Variants in DGKB observed in about 807,000 individuals in gnomAD.
DGKB encodes the protein 90 kDa diacylglycerol kinase.
A neutral mutation model predicts 114.3 loss-of-function variants in DGKB; 67 were observed. That is an observed-to-expected ratio of 0.59 (90% CI 0.48 to 0.72). The LOEUF (loss-of-function observed/expected upper bound fraction) is 0.72. Among genes scored for constraint, DGKB ranks in the 30% least tolerant of loss-of-function variants. DGKB has a pLI of 0.00. For missense variants in DGKB, 907 were observed against 975.2 expected (o/e 0.93, Z 0.93); for synonymous variants, 398 against 323.1 (o/e 1.23, Z -2.49).
chr7:14,974,268 T>C (rs1787661806), intron 1 of DGKB, among the ~76,000 whole-genome samples: 1 of 152,056 alleles, frequency 6.6e-6, no homozygotes. Context: ...TATAACACAC[T>C]GCGTTTATTT....
chr7:14,758,912 G>GATACATAGATAC (rs1303080726), intron 2 of DGKB, among the ~76,000 whole-genome samples: 2 of 148,548 alleles, frequency 1.3e-5, no homozygotes, highest in East Asian at 3.9e-4. Context: ...TAGATAGATA[G>GATACATAGATAC]ATAGATAGAT....
chr7:14,174,013 G>A (rs1021578625), intron 25 of DGKB, among the ~76,000 whole-genome samples: 5 of 152,184 alleles, frequency 3.3e-5, no homozygotes, highest in Admixed American at 3.3e-4. Flanking sequence ...AAGTGCTTGT[G>A]TTAAACAAGC....
intron 5 of DGKB, among the ~76,000 whole-genome samples, chr7:14,719,613 A>G (rs546038569): frequency 6.6e-6 from 1 of 152,172 alleles, no homozygotes; most frequent in Admixed American, 6.5e-5. Context: ...TTTGAACCAA[A>G]CACAGTTCTA....
intron 25 of DGKB, among the ~76,000 whole-genome samples, chr7:14,167,940 G>A (rs1246916279): frequency 6.6e-6 from 1 of 152,044 alleles, no homozygotes; most frequent in Non-Finnish European, 1.5e-5. Context: ...ATGAATCACA[G>A]AAAAATCTCA....
rs144127803 is a variant in DGKB, at chr7:14,406,517, A to T, written c.1836-61126T>A. On this transcript the variant is annotated intron_variant, in intron 21 of 25. Transcript: ENST00000402815. The stretch of plus-strand genomic sequence containing the variant: ...TCCAGGTACTACTGATCACGACAGC[A>T]CTTACAGGCTCTAAATGGTTAACTT... Among the ~76,000 whole-genome samples, 25 of 152,180 alleles carry T rather than the reference A, an allele frequency of 1.6e-4. No homozygotes were observed. In the East Asian group the frequency reaches 4.8e-3, roughly 30 times the overall value.
intron 23 of DGKB, among the ~76,000 whole-genome samples, chr7:14,265,318 CTTT>C (rs781569705): frequency 1.8e-4 from 12 of 67,734 alleles, no homozygotes; most frequent in African/African-American, 4.8e-4. Context: ...CTCTTGCATT[CTTT>C]TTTTTTTTTT....
At chr7:14,465,782 C>G (rs1047251034) in intron 21 of DGKB, among the ~76,000 whole-genome samples, 3 of 152,044 alleles carry the variant, frequency 2.0e-5, no homozygotes, top group African/African-American at 4.8e-5. Context: ...TGAGGAGACC[C>G]AAGCATGACT....
At chr7:14,958,474 CA>C (rs1786649896) in intron 1 of DGKB, among the ~76,000 whole-genome samples, 1 of 149,806 alleles carries the variant, frequency 6.7e-6, no homozygotes, top group East Asian at 2.0e-4. Flanking sequence ...CACACACACA[CA>C]CCCCGTCCAG....
intron 23 of DGKB, among the ~76,000 whole-genome samples, chr7:14,190,383 A>G (rs1334670547): frequency 6.6e-6 from 1 of 152,160 alleles, no homozygotes; most frequent in East Asian, 1.9e-4. Flanking sequence ...GGGACACAAT[A>G]AAACCAGTAC....
intron 21 of DGKB, among the ~76,000 whole-genome samples, chr7:14,391,527 A>AT (rs1197183298): frequency 6.6e-6 from 1 of 151,966 alleles, no homozygotes. Context: ...AAAATAAAAA[A>AT]AAAAAAAGGA....
intron 1 of DGKB, among the ~76,000 whole-genome samples, chr7:14,934,473 TG>T (rs1257024243): frequency 2.6e-5 from 4 of 152,112 alleles, no homozygotes; most frequent in Non-Finnish European, 5.9e-5. Context: ...AATTAAAAAT[TG>T]GTTTTCATTT....
At chr7:14,746,522 G>A (rs76717022) in intron 4 of DGKB, among the ~76,000 whole-genome samples, 7,939 of 152,066 alleles carry the variant, frequency 0.052, 306 homozygotes, top group Admixed American at 0.11. Context: ...TTGAGACAAA[G>A]TCTTGCTCTT....
In DGKB at chr7:14,178,036, G is replaced by A. The variant is rs1187905039; in HGVS notation, c.2238C>T (p.Val746=). 2.6e-6 allele frequency: 4 copies of A among 1,567,504 alleles called. No individual in the cohort carries two copies. Among genetic ancestry groups the A allele is most frequent in the African/African-American group, 1.4e-5 (1 of 72,134 alleles). The stretch of plus-strand genomic sequence containing the variant: ...AGTTACAGAAAGGGAACTACCTGAT[G>A]ACCACGCAGGAGCACTGAGCCAGCC... ...GRRLAQCSCV[V]IRTSKSLPMQ... is the part of the protein sequence containing the mutation. Residue 746 remains valine (V), a synonymous_variant, in exon 24 of 26, where the codon GTC becomes GTT. Transcript: ENST00000402815.
At chr7:14,762,790 G>A (rs1049223349) in intron 2 of DGKB, among the ~76,000 whole-genome samples, 2 of 152,076 alleles carry the variant, frequency 1.3e-5, no homozygotes, top group Non-Finnish European at 2.9e-5. Flanking sequence ...AGAATGCTTG[G>A]CTGAATGTCC....
rs565499647 is a variant in DGKB at position 14,864,777 on chromosome 7, G to A, written c.-187-23327C>T. ...GGACTGAGCAGAGGCTATGGACAAA[G>A]GGATAAGAGATGATGACAAAAAAAA... On this transcript the variant is annotated intron_variant, in intron 1 of 25. Coordinates refer to ENST00000402815, the MANE Select transcript of DGKB (RefSeq NM_001350709.2). Among the ~76,000 whole-genome samples the A allele has an allele frequency of 2.0e-5, 3 of 146,368 alleles. No homozygotes were observed. In the East Asian group the frequency reaches 5.8e-4, roughly 28 times the overall value.
chr7:14,328,593 A>G (rs1236692596), intron 23 of DGKB, among the ~76,000 whole-genome samples: 1 of 152,028 alleles, frequency 6.6e-6, no homozygotes, highest in Admixed American at 6.6e-5. Context: ...ACGAGGAGCA[A>G]TCTTTCAGAG....
At chr7:14,452,975 T>C (rs1831745688) in intron 21 of DGKB, among the ~76,000 whole-genome samples, 1 of 152,280 alleles carries the variant, frequency 6.6e-6, no homozygotes, top group African/African-American at 2.4e-5. Context: ...ACAGAACGTA[T>C]GTGTTCCATC....
intron 21 of DGKB, among the ~76,000 whole-genome samples, chr7:14,438,872 G>A (rs550269671): frequency 1.3e-5 from 2 of 151,494 alleles, no homozygotes; most frequent in Admixed American, 1.3e-4. Flanking sequence ...AAAGTAATAA[G>A]GGGAAAAAAT....
chr7:14,554,154 G>C (rs139607164), intron 20 of DGKB, among the ~76,000 whole-genome samples: 1 of 152,026 alleles, frequency 6.6e-6, no homozygotes, highest in African/African-American at 2.4e-5. Flanking sequence ...TTACAGGTGT[G>C]AGCCACCACA....
Sources: gnomAD v4.1 joint callset for allele counts (sites outside exome capture counted in the v4.1 genomes callset) on GRCh38, gnomAD v4.1.1 for gene constraint, MANE v1.5 for transcripts, NCBI Gene and HGNC (gene_info 2026-07-23, HGNC 2026-07-21) for gene names.